Variants in DLGAP2 observed in about 807,000 individuals in gnomAD.
The protein encoded by DLGAP2 is disks large-associated protein 2.
Under a neutral mutation model 100.3 loss-of-function variants are expected in DLGAP2, and 26 were observed. That is an observed-to-expected ratio of 0.26 (90% CI 0.19 to 0.36). The LOEUF (loss-of-function observed/expected upper bound fraction) is 0.36. Ranked by LOEUF, DLGAP2 falls within the 10% of genes least tolerant of loss-of-function variation. The probability of loss-of-function intolerance (pLI) is 1.00; values close to 1 mark genes in which losing one functional copy is unlikely to be tolerated. For synonymous variants in DLGAP2, 886 were observed against 630.1 expected (o/e 1.41, Z -6.08); for missense variants, 1,858 against 1,453.2 (o/e 1.28, Z -4.53).
At chr8:1,467,473 G>A (rs985644978) in intron 3 of DLGAP2, among the ~76,000 whole-genome samples, 4 of 151,334 alleles carry the variant, frequency 2.6e-5, no homozygotes, top group African/African-American at 4.9e-5. Context: ...CACTAGACCC[G>A]TTGAAGGCAG....
intron 1 of DLGAP2, among the ~76,000 whole-genome samples, chr8:760,310 A>G (rs374773554): frequency 1.3e-5 from 2 of 151,964 alleles, no homozygotes; most frequent in Non-Finnish European, 2.9e-5. Flanking sequence ...TTCAGAATCA[A>G]CTTCTCTTTA....
chr8:800,293 A>G (rs1436734623), intron 1 of DLGAP2, among the ~76,000 whole-genome samples: 1 of 152,200 alleles, frequency 6.6e-6, no homozygotes, highest in East Asian at 1.9e-4. Flanking sequence ...GTTTTCTTTA[A>G]AGATTAGAGG....
intron 8 of DLGAP2, among the ~76,000 whole-genome samples, chr8:1,637,537 T>A (rs775946781): frequency 8.6e-5 from 13 of 151,974 alleles, no homozygotes; most frequent in Non-Finnish European, 1.9e-4. Flanking sequence ...AGTAAACAAA[T>A]GACCAGAGGA....
chr8:1,122,039 G>A (rs930631462), intron 2 of DLGAP2, among the ~76,000 whole-genome samples: 1 of 152,156 alleles, frequency 6.6e-6, no homozygotes, highest in Non-Finnish European at 1.5e-5. Context: ...GGGATTGAGT[G>A]CATTTGCCCC....
At chr8:1,531,287 C>G (rs1800983544) in intron 4 of DLGAP2, among the ~76,000 whole-genome samples, 1 of 148,166 alleles carries the variant, frequency 6.7e-6, no homozygotes, top group Non-Finnish European at 1.5e-5. Context: ...GGTTCTTAAC[C>G]TGGGACAAAT....
chr8:1,450,464 G>A (rs1468974995), intron 3 of DLGAP2, among the ~76,000 whole-genome samples: 2 of 148,500 alleles, frequency 1.3e-5, no homozygotes, highest in Non-Finnish European at 3.0e-5. Context: ...CTGTGGCTGA[G>A]GCTGAGCTGT....
At chr8:1,509,927 T>C (rs1425065744) in intron 4 of DLGAP2, among the ~76,000 whole-genome samples, 1 of 152,162 alleles carries the variant, frequency 6.6e-6, no homozygotes, top group African/African-American at 2.4e-5. Flanking sequence ...AGTGCAGCTC[T>C]GGAGGACGCG....
chr8:1,659,932 T>G (rs1462069696), intron 8 of DLGAP2, among the ~76,000 whole-genome samples: 1 of 152,200 alleles, frequency 6.6e-6, no homozygotes, highest in African/African-American at 2.4e-5. Context: ...AGTTTCTTCA[T>G]AGTGTCAATG....
chr8:1,252,539 G>A (rs1799070169), intron 2 of DLGAP2, among the ~76,000 whole-genome samples: 1 of 152,256 alleles, frequency 6.6e-6, no homozygotes, highest in South Asian at 2.1e-4. Context: ...GTCACGTGGT[G>A]TGTTGTGTTG....
intron 3 of DLGAP2, among the ~76,000 whole-genome samples, chr8:1,311,270 A>C (rs1800608099): frequency 6.6e-6 from 1 of 152,234 alleles, no homozygotes; most frequent in African/African-American, 2.4e-5. Context: ...TAAGAGATCG[A>C]ATCTATAATG....
intron 3 of DLGAP2, among the ~76,000 whole-genome samples, chr8:1,370,021 G>A (rs565848360): frequency 6.6e-6 from 1 of 152,132 alleles, no homozygotes. Context: ...CCTGAGTTCA[G>A]CAGCATCCTC....
intron 2 of DLGAP2, among the ~76,000 whole-genome samples, chr8:1,098,782 TCCCGGCCGCC>T (rs1804483515): frequency 1.6e-5 from 2 of 127,068 alleles, no homozygotes; most frequent in Non-Finnish European, 3.5e-5. Context: ...CACGCCAGGC[TCCCGGCCGCC>T]CACGGACGCC....
chr8:865,392 G>T (rs1251055333), intron 1 of DLGAP2, among the ~76,000 whole-genome samples: 1 of 152,198 alleles, frequency 6.6e-6, no homozygotes, highest in Non-Finnish European at 1.5e-5. Context: ...TTGTGCTCTA[G>T]AGTTAGACTT....
intron 3 of DLGAP2, 65 bp from the exon 4 acceptor site, chr8:1,501,301 G>T: frequency 6.7e-7 from 1 of 1,493,042 alleles, no homozygotes; most frequent in Non-Finnish European, 9.0e-7. Context: ...TTGAAGATGT[G>T]CAGGGAATGA....
At chr8:1,586,292 G>A (rs534496615) in intron 6 of DLGAP2, among the ~76,000 whole-genome samples, 14 of 152,262 alleles carry the variant, frequency 9.2e-5, no homozygotes, top group East Asian at 5.8e-4. Flanking sequence ...CCGAAGCCCC[G>A]TGTCCTTGTT....
intron 1 of DLGAP2, among the ~76,000 whole-genome samples, chr8:797,687 T>C (rs1361816942): frequency 6.6e-6 from 1 of 152,168 alleles, no homozygotes; most frequent in Non-Finnish European, 1.5e-5. Context: ...GGCTGGGAGC[T>C]CCTGGCTCTC....
chr8:840,922 C>G (rs577661827), intron 1 of DLGAP2, among the ~76,000 whole-genome samples: 1 of 152,362 alleles, frequency 6.6e-6, no homozygotes, highest in East Asian at 1.9e-4. Context: ...TTTGGCAGGA[C>G]TCAGCAGTGG....
At position 896,396 on chromosome 8, in the gene DLGAP2, G is replaced by A. The variant is rs192049841; in HGVS notation, c.19-11516G>A. 3.6e-3 allele frequency among the ~76,000 whole-genome samples: 546 copies of A among 151,938 alleles called. 3 individuals are homozygous for A. The highest frequency in any genetic ancestry group is 6.8e-3 in the Middle Eastern group (2 of 294). ...GTTCCACCTGGCACCCTGAGCTGCC[G>A]GGATGGTGTGACACCAGGGCGGGGG... is the stretch of plus-strand genomic sequence containing the variant. On this transcript the variant is annotated intron_variant, in intron 1 of 14. Coordinates refer to ENST00000637795, the MANE Select transcript of DLGAP2 (RefSeq NM_001346810.2).
chr8:909,947 T>C (rs925674342), intron 2 of DLGAP2, among the ~76,000 whole-genome samples: 4 of 152,208 alleles, frequency 2.6e-5, no homozygotes, highest in Admixed American at 2.0e-4. Context: ...TTCAGTGGCA[T>C]ATAAAGGTCC....
Sources: allele counts gnomAD v4.1 joint callset (sites outside exome capture counted in the v4.1 genomes callset), GRCh38; gene constraint gnomAD v4.1.1; transcripts MANE v1.5; gene names NCBI Gene and HGNC (gene_info 2026-07-23, HGNC 2026-07-21).